Variants in ARAP2 observed in about 807,000 individuals in gnomAD.
ARAP2 encodes arf-GAP with Rho-GAP domain, ANK repeat and PH domain-containing protein 2.
Under a neutral mutation model 194.5 loss-of-function variants are expected in ARAP2, and 148 were observed. The ratio of observed to expected loss-of-function variants is 0.76; its 90% CI spans 0.67 to 0.87. The LOEUF is 0.87. Among genes scored for constraint, ARAP2 ranks in the 40% least tolerant of loss-of-function variants. The probability of loss-of-function intolerance (pLI) is 0.00; values close to 1 mark genes in which losing one functional copy is unlikely to be tolerated. For missense variants in ARAP2, 2,128 were observed against 1,989.7 expected (o/e 1.07, Z -1.32); for synonymous variants, 695 against 683.5 (o/e 1.02, Z -0.26).
intron 15 of ARAP2, among the ~76,000 whole-genome samples, chr4:36,153,556 C>G (rs1731513049): frequency 6.6e-6 from 1 of 152,080 alleles, no homozygotes; most frequent in Non-Finnish European, 1.5e-5. Context: ...AGTGGATTGG[C>G]AAGAGGGATT....
chr4:36,175,733 A>G (rs1737749636), intron 9 of ARAP2, among the ~76,000 whole-genome samples: 1 of 152,206 alleles, frequency 6.6e-6, no homozygotes, highest in South Asian at 2.1e-4. Context: ...CAAAAGATGG[A>G]GAGGGGTTCA....
intron 19 of ARAP2, among the ~76,000 whole-genome samples, chr4:36,146,422 C>T (rs1008953124): frequency 2.0e-5 from 3 of 151,988 alleles, no homozygotes; most frequent in African/African-American, 7.2e-5. Flanking sequence ...ACCGATAAGG[C>T]CCTACATGAT....
chr4:36,056,553 A>G (rs1723547163), intron 2 of ARAP2, among the ~76,000 whole-genome samples: 1 of 152,106 alleles, frequency 6.6e-6, no homozygotes, highest in Admixed American at 6.5e-5. Context: ...TATATATTTT[A>G]TGTGTGTCTC....
At chr4:36,017,495 T>G (rs1716042424) in intron 6 of ARAP2, among the ~76,000 whole-genome samples, 1 of 136,392 alleles carries the variant, frequency 7.3e-6, no homozygotes, top group African/African-American at 2.9e-5. Flanking sequence ...GTTACTCTTT[T>G]ACAAAAAATG....
intron 21 of ARAP2, among the ~76,000 whole-genome samples, chr4:36,127,270 C>CT (rs1487831006): frequency 6.6e-6 from 1 of 152,022 alleles, no homozygotes; most frequent in African/African-American, 2.4e-5. Flanking sequence ...GGTAACTGAG[C>CT]TTAAAGCAAT....
At chr4:36,023,384 A>G (rs758597104) in intron 5 of ARAP2, among the ~76,000 whole-genome samples, 23 of 152,174 alleles carry the variant, frequency 1.5e-4, no homozygotes, top group Non-Finnish European at 3.1e-4. Flanking sequence ...TTAGGTCTTC[A>G]GTTGAAAAGG....
chr4:36,152,201 G>T (rs1560539375), intron 15 of ARAP2, among the ~76,000 whole-genome samples: 1 of 152,096 alleles, frequency 6.6e-6, no homozygotes, highest in Non-Finnish European at 1.5e-5. Flanking sequence ...GAAGCAAATA[G>T]CATAAACGAA....
intron 2 of ARAP2, among the ~76,000 whole-genome samples, chr4:36,215,575 T>C (rs900762791): frequency 8.5e-5 from 13 of 152,184 alleles, no homozygotes; most frequent in Admixed American, 2.6e-4. Flanking sequence ...CTAAAAAACA[T>C]TGAAATTTAG....
chr4:36,085,764 C>A lies in ARAP2; in HGVS notation c.4426-2314G>T, dbSNP rs544363603. Among the ~76,000 whole-genome samples the A allele has an allele frequency of 3.0e-4, 45 of 152,012 alleles. No individual in the cohort carries two copies. In the South Asian group the frequency reaches 7.5e-3, roughly 25 times the overall value. On this transcript the variant is annotated intron_variant, in intron 28 of 32. Transcript: ENST00000303965. ...CAAACTTGAAAATAATTGCATTAAACCTATAAATCAATACTAGCAGATTTA... is the reference window on the plus strand; with the variant it reads ...CAAACTTGAAAATAATTGCATTAAAACTATAAATCAATACTAGCAGATTTA...
intron 3 of ARAP2, among the ~76,000 whole-genome samples, chr4:36,051,535 A>G (rs1434844797): frequency 1.3e-5 from 2 of 151,980 alleles, no homozygotes; most frequent in Non-Finnish European, 2.9e-5. Context: ...ACATAAATAC[A>G]CACAAACATA....
At chr4:36,084,007 C>T (rs952179643) in intron 28 of ARAP2, among the ~76,000 whole-genome samples, 2 of 152,094 alleles carry the variant, frequency 1.3e-5, no homozygotes, top group African/African-American at 4.8e-5. Context: ...ATCAGACTCC[C>T]AAGTCCTTCA....
chr4:36,153,244 G>T (rs139555755), intron 15 of ARAP2, among the ~76,000 whole-genome samples: 155 of 152,252 alleles, frequency 1.0e-3, no homozygotes, highest in African/African-American at 3.5e-3. Context: ...GTCTTTGAGG[G>T]TTTATAATAA....
chr4:36,058,639 TG>T (rs1723915507), intron 1 of ARAP2, among the ~76,000 whole-genome samples: 1 of 152,176 alleles, frequency 6.6e-6, no homozygotes, highest in Admixed American at 6.5e-5. Flanking sequence ...GTGAAATCAT[TG>T]TTCTTCTTCA....
At chr4:36,050,157 A>G (rs926069366) in intron 3 of ARAP2, among the ~76,000 whole-genome samples, 17 of 152,176 alleles carry the variant, frequency 1.1e-4, no homozygotes, top group African/African-American at 4.1e-4. Flanking sequence ...TTTTAGAAGA[A>G]TCTTACTTTA....
At chr4:36,234,165 A>G (rs530247734) in intron 1 of ARAP2, among the ~76,000 whole-genome samples, 2 of 152,332 alleles carry the variant, frequency 1.3e-5, no homozygotes, top group East Asian at 1.9e-4. Context: ...GTCAAACCAT[A>G]ATAAGTTGGG....
chr4:36,174,214 G>T (rs1324862567), intron 9 of ARAP2, among the ~76,000 whole-genome samples: 1 of 152,038 alleles, frequency 6.6e-6, no homozygotes, highest in Non-Finnish European at 1.5e-5. Context: ...CAATTACACA[G>T]CTCATTTTAA....
intron 25 of ARAP2, among the ~76,000 whole-genome samples, chr4:36,115,628 G>A (rs891474096): frequency 2.6e-5 from 4 of 151,942 alleles, no homozygotes; most frequent in East Asian, 2.0e-4. Flanking sequence ...ACGTCCAGTC[G>A]AGATTATGAT....
intron 5 of ARAP2, among the ~76,000 whole-genome samples, chr4:36,211,328 T>C (rs1191159211): frequency 2.6e-5 from 4 of 152,158 alleles, no homozygotes; most frequent in Admixed American, 1.3e-4. Flanking sequence ...TCAGTGTACA[T>C]TCAGGAAGTA....
chr4:36,118,880 A>G (rs1722032462), intron 24 of ARAP2, among the ~76,000 whole-genome samples: 1 of 151,458 alleles, frequency 6.6e-6, no homozygotes, highest in Non-Finnish European at 1.5e-5. Context: ...GACAGTTTCA[A>G]TGACTCTAGT....
Sources: allele counts gnomAD v4.1 joint callset (sites outside exome capture counted in the v4.1 genomes callset), GRCh38; gene constraint gnomAD v4.1.1; transcripts MANE v1.5; gene names NCBI Gene and HGNC (gene_info 2026-07-23, HGNC 2026-07-21).